Variants in MDM2 observed in about 807,000 individuals in gnomAD.
MDM2 encodes the protein MDM2 proto-oncogene.
A neutral mutation model predicts 64.3 loss-of-function variants in MDM2; 11 were observed. The ratio of observed to expected loss-of-function variants is 0.17; its 90% CI spans 0.11 to 0.28. The LOEUF is 0.28. Among genes scored for constraint, MDM2 ranks in the 10% least tolerant of loss-of-function variants. The pLI is 1.00. For missense variants in MDM2, 388 were observed against 577.1 expected (o/e 0.67, Z 3.36); for synonymous variants, 194 against 192.9 (o/e 1.01, Z -0.05).
chr12:68,808,188 G>T lies in MDM2; in HGVS notation c.-290G>T. The stretch of plus-strand genomic sequence containing the variant: ...CCTCGGGCGGTAGGGGGCGCGCACC[G>T]AGGCACCGCGGCGAGCTTGGCTGCT... On this transcript the variant is annotated 5_prime_UTR_variant, in exon 1 of 11. Transcript: ENST00000258149. The T allele has an allele frequency of 1.9e-6, 1 of 514,426 alleles. No individual in the cohort carries two copies. Among genetic ancestry groups the T allele is most frequent in the South Asian group, 2.6e-5 (1 of 38,224 alleles). 31.9% of individuals were successfully genotyped at this position (514,426 alleles called of 1,614,324 possible).
intron 7 of MDM2, among the ~76,000 whole-genome samples, chr12:68,825,737 G>A (rs1882264380): frequency 6.6e-6 from 1 of 152,238 alleles, no homozygotes; most frequent in African/African-American, 2.4e-5. Flanking sequence ...GCTGTTGCCT[G>A]AGGAAGTCGC....
rs182420125 is a variant in MDM2 at position 68,837,934 on chromosome 12, T to C, written c.918+1185T>C. 9.1e-3 allele frequency among the ~76,000 whole-genome samples: 1,391 copies of C among 152,330 alleles called. 12 individuals are homozygous for C. Among genetic ancestry groups the C allele is most frequent in the South Asian group, 0.024 (114 of 4,828 alleles). On this transcript the variant is annotated intron_variant, in intron 10 of 10. Coordinates refer to ENST00000258149, the MANE Select transcript of MDM2 (RefSeq NM_002392.6). ...ATTCAAGAGTTTCCAAAATTTTTAC[T>C]GTATTAGAAAATAAATAACTAATTG...
In MDM2 at chr12:68,842,170, A is replaced by G; in HGVS notation, c.*2321A>G. 1 of 487,606 alleles carries G rather than the reference A, an allele frequency of 2.1e-6. No individual in the cohort carries two copies. Among genetic ancestry groups the G allele is most frequent in the Non-Finnish European group, 4.0e-6 (1 of 247,924 alleles). The allele number at this position is 487,606 out of a possible 1,614,324, so 30.2% of individuals were successfully genotyped here. A position where few individuals can be genotyped will look rare whatever the true frequency, so the allele number is the denominator to read the frequency against. ...GTCAAATATCTGCAAGAACTATGGA[A>G]TAAAACTACTGATGCAGTGAAGACA... On this transcript the variant is annotated 3_prime_UTR_variant, in exon 11 of 11. Transcript: ENST00000258149.
rs752222682 is a variant in MDM2 at position 68,824,579 on chromosome 12, G to C, written c.451G>C (p.Glu151Gln). 4.3e-6 allele frequency: 7 copies of C among 1,613,482 alleles called. No individual in the cohort carries two copies. The highest frequency in any genetic ancestry group is 5.9e-6 in the Non-Finnish European group (7 of 1,179,870). The stretch of plus-strand genomic sequence containing the variant: ...GGACCTTGTACAAGAGCTTCAGGAA[G>C]AGAAACCTTCATCTTCACATTTGGT... ...QKDLVQELQE[E>Q]KPSSSHLVSR... Residue 151 changes from glutamate to glutamine, a missense_variant, in exon 7 of 11, where the codon GAG (glutamate) becomes CAG (glutamine). Glu to Gln is a conservative substitution (Grantham distance 29). Coordinates refer to ENST00000258149, the MANE Select transcript of MDM2 (RefSeq NM_002392.6).
chr12:68,829,909 T>A (rs868204975), intron 8 of MDM2, among the ~76,000 whole-genome samples: 4 of 152,318 alleles, frequency 2.6e-5, no homozygotes, highest in Non-Finnish European at 5.9e-5. Flanking sequence ...TGGTAAAAAA[T>A]TTTTTTGTTA....
At chr12:68,811,534 T>G (rs184372017) in intron 2 of MDM2, among the ~76,000 whole-genome samples, 1 of 152,156 alleles carries the variant, frequency 6.6e-6, no homozygotes, top group Non-Finnish European at 1.5e-5. Flanking sequence ...CTATTATCTT[T>G]TATAGCTGTT....
In MDM2 at chr12:68,842,300, T is replaced by C; in HGVS notation, c.*2451T>C. 2 of 495,832 alleles carry C rather than the reference T, an allele frequency of 4.0e-6. No homozygotes were observed. Among genetic ancestry groups the C allele is most frequent in the South Asian group, 3.1e-5 (2 of 64,880 alleles). The allele number at this position is 495,832 out of a possible 1,614,324, so 30.7% of individuals were successfully genotyped here. A position where few individuals can be genotyped will look rare whatever the true frequency, so the allele number is the denominator to read the frequency against. On this transcript the variant is annotated 3_prime_UTR_variant, in exon 11 of 11. Coordinates refer to ENST00000258149, the MANE Select transcript of MDM2 (RefSeq NM_002392.6). ...TCAAAGAAGTCAGGCAAAACTCATCTTGACCCCTGTTGCAGGCAAAGGAAC... is the reference window on the plus strand; with the variant it reads ...TCAAAGAAGTCAGGCAAAACTCATCCTGACCCCTGTTGCAGGCAAAGGAAC...
At chr12:68,839,032 C>T (rs538824634) in intron 10 of MDM2, among the ~76,000 whole-genome samples, 2 of 152,178 alleles carry the variant, frequency 1.3e-5, no homozygotes, top group African/African-American at 4.8e-5. Flanking sequence ...AATAGTTAAC[C>T]TTTCTTGTGT....
At chr12:68,828,955 G>A in intron 8 of MDM2, 24 bp downstream of exon 8, 1 of 1,610,650 alleles carries the variant, frequency 6.2e-7, no homozygotes. Context: ...TTTAAGTAAG[G>A]CAAGACTCTT....
intron 3 of MDM2, among the ~76,000 whole-genome samples, chr12:68,814,274 G>T: frequency 6.6e-6 from 1 of 152,122 alleles, no homozygotes; most frequent in East Asian, 1.9e-4. Context: ...GGCTGGTCTT[G>T]AACTCCTAGT....
chr12:68,825,700 C>T (rs943184550), intron 7 of MDM2, among the ~76,000 whole-genome samples: 3 of 152,144 alleles, frequency 2.0e-5, no homozygotes, highest in African/African-American at 7.2e-5. Context: ...TAGTTGAGAA[C>T]AGTTAGTAGA....
chr12:68,833,334 A>AT (rs1565744217), intron 8 of MDM2, among the ~76,000 whole-genome samples: 61 of 54,634 alleles, frequency 1.1e-3, no homozygotes, highest in Non-Finnish European at 2.4e-3. Context: ...TAAATATAAA[A>AT]ATATATATTT....
At chr12:68,830,415 A>G (rs1468697361) in intron 8 of MDM2, among the ~76,000 whole-genome samples, 1 of 152,240 alleles carries the variant, frequency 6.6e-6, no homozygotes, top group African/African-American at 2.4e-5. Context: ...GCTAGATGGC[A>G]TGATGAGCTC....
rs964031068 is a variant in MDM2 at position 68,841,381 on chromosome 12, G to A, written c.*1532G>A. ...CAAAGTGCTAAGTAGGATTACAGGC[G>A]TTAGCCACCACACCCGGCTGTAAAA... is the stretch of plus-strand genomic sequence containing the variant. On this transcript the variant is annotated 3_prime_UTR_variant, in exon 11 of 11. Transcript: ENST00000258149. 6 of 208,622 alleles carry A rather than the reference G, an allele frequency of 2.9e-5. No homozygotes were observed. The highest frequency in any genetic ancestry group is 1.9e-4 in the South Asian group (1 of 5,316). 12.9% of individuals were successfully genotyped at this position (208,622 alleles called of 1,614,324 possible).
At chr12:68,830,344 A>G (rs1223946260) in intron 8 of MDM2, among the ~76,000 whole-genome samples, 1 of 152,192 alleles carries the variant, frequency 6.6e-6, no homozygotes. Context: ...CAGTGATTGT[A>G]TGAACGCATA....
At position 68,821,289 on chromosome 12, in the gene MDM2, G is replaced by A. The variant is rs181684128; in HGVS notation, c.358+915G>A. ...TCTCGAACTCCTGACCTTGTGATCT[G>A]CCTGCCTCGGCCTTCCAAAGTCCTG... On this transcript the variant is annotated intron_variant, in intron 5 of 10. Coordinates refer to ENST00000258149, the MANE Select transcript of MDM2 (RefSeq NM_002392.6). Among the ~76,000 whole-genome samples the A allele has an allele frequency of 1.2e-4, 18 of 152,066 alleles. No individual in the cohort carries two copies. The East Asian group carries it at 3.5e-3, about 29-fold the overall frequency.
At chr12:68,809,391 A>C in intron 2 of MDM2, 99 bp downstream of exon 2, 8 of 1,103,900 alleles carry the variant, frequency 7.2e-6, no homozygotes, top group Non-Finnish European at 1.1e-5. Context: ...CTCTGTAAAT[A>C]AAATTGTATG....
At chr12:68,808,895 A>T in intron 1 of MDM2, 1 of 1,359,972 alleles carries the variant, frequency 7.4e-7, no homozygotes, top group African/African-American at 1.5e-5. Flanking sequence ...TTCAGTGGGC[A>T]GGTTGACTCA....
In MDM2 at chr12:68,836,741, T is replaced by G; in HGVS notation, c.910T>G (p.Ser304Ala). ...TTCATTTGAAGAAGATCCTGAAATT[T>G]CCTTAGCTGTAAGTATACATCTACT... ...TDSFEEDPEI[S>A]LADYWKCTSC... Residue 304 changes from serine to alanine, a missense_variant, in exon 10 of 11, where the codon TCC (serine) becomes GCC (alanine). By Grantham distance (99) the Ser-to-Ala change is moderately conservative (BLOSUM62 1). Around this residue, in one of 5 missense-constraint regions of MDM2, gnomAD observed 168 missense variants for 236.6 expected, o/e 0.71. Transcript: ENST00000258149. The G allele has an allele frequency of 1.2e-6, 2 of 1,608,782 alleles. No homozygotes were observed. The highest frequency in any genetic ancestry group is 1.7e-6 in the Non-Finnish European group (2 of 1,175,640).
Sources: allele counts gnomAD v4.1 joint callset (sites outside exome capture counted in the v4.1 genomes callset), GRCh38; gene constraint gnomAD v4.1.1; regional missense constraint gnomAD v4.1.1; transcripts MANE v1.5; gene names NCBI Gene and HGNC (gene_info 2026-07-23, HGNC 2026-07-21).